The following NFIC variants were observed in gnomAD, a reference collection of about 807,000 sequenced individuals.
NFIC encodes the protein nuclear factor I C.
NFIC carries 12 observed loss-of-function variants against 54.4 expected under a neutral mutation model. That is an observed-to-expected ratio of 0.22 (90% confidence interval 0.14 to 0.36). The LOEUF (loss-of-function observed/expected upper bound fraction) is 0.36, where lower values mean the gene tolerates loss of function less well. Ranked by LOEUF, NFIC falls within the 10% of genes least tolerant of loss-of-function variation. The pLI is 1.00. For synonymous variants in NFIC, 322 were observed against 319.2 expected, an observed-to-expected ratio of 1.01 and a Z score of -0.09; for missense variants, 575 against 718.2, an observed-to-expected ratio of 0.80 and a Z score of 2.28.
rs2080950306 is a variant in NFIC at position 3,369,045 on chromosome 19, C to T, written c.30+2379C>T. On this transcript the variant is annotated intron_variant, in intron 1 of 10. Coordinates refer to ENST00000443272, the MANE Select transcript of NFIC (RefSeq NM_001245002.2). The surrounding 1 kb of genome is among the most constrained non-coding windows in gnomAD (Gnocchi z 4.3). Reference sequence around the variant, plus strand: ...TGTGTCTCTCTTTCTCATCCTCTGTCTCTCTGATGTCTCAGTCTCTCCCAC... The same window carrying T: ...TGTGTCTCTCTTTCTCATCCTCTGTTTCTCTGATGTCTCAGTCTCTCCCAC... 6.6e-6 allele frequency among the ~76,000 whole-genome samples: 1 copy of T among 151,984 alleles called. No homozygotes were observed. The highest frequency in any genetic ancestry group is 6.6e-5 in the Admixed American group (1 of 15,250).
At position 3,463,091 on chromosome 19, in the gene NFIC, G is replaced by C; in HGVS notation, c.*322G>C. ...GCCCCGCCACCCCCACGGGAGACCCGGGACAGGGCGTCTTCCTAAGTTATT... is the reference window on the plus strand; with the variant it reads ...GCCCCGCCACCCCCACGGGAGACCCCGGACAGGGCGTCTTCCTAAGTTATT... On this transcript the variant is annotated 3_prime_UTR_variant, in exon 11 of 11. Coordinates refer to ENST00000443272, the MANE Select transcript of NFIC (RefSeq NM_001245002.2). 7.9e-7 allele frequency: 1 copy of C among 1,273,290 alleles called. No homozygotes were observed. Among genetic ancestry groups the C allele is most frequent in the Non-Finnish European group, 9.9e-7 (1 of 1,008,530 alleles). The allele number at this position is 1,273,290 out of a possible 1,614,324, so 78.9% of individuals were successfully genotyped here. A position where few individuals can be genotyped will look rare whatever the true frequency, so the allele number is the denominator to read the frequency against.
intron 10 of NFIC, among the ~76,000 whole-genome samples, chr19:3,457,164 G>A (rs1434665199): frequency 6.6e-6 from 1 of 152,204 alleles, no homozygotes; most frequent in Admixed American, 6.5e-5. Context: ...CTAAGCCAGT[G>A]TGAGGAGTCA....
Position 3,453,980 on chromosome 19 carries a change from C to T in NFIC, c.1423+64C>T. 2 of 1,432,612 alleles carry T rather than the reference C, an allele frequency of 1.4e-6. No individual in the cohort carries two copies. The highest frequency in any genetic ancestry group is 1.5e-5 in the South Asian group (1 of 67,274). The allele number at this position is 1,432,612 out of a possible 1,614,324, so 88.7% of individuals were successfully genotyped here. On this transcript the variant is annotated intron_variant, in intron 9 of 10. Coordinates refer to ENST00000443272, the MANE Select transcript of NFIC (RefSeq NM_001245002.2). This position sits in a 1 kb window ranked among gnomAD's most constrained non-coding sequence, Gnocchi z 6.7. The stretch of plus-strand genomic sequence containing the variant: ...TCCGCAGGGGGGCCTGTCCCCTCCC[C>T]AGCCCCACTGCCAGGTCAGAGGTCA...
At chr19:3,367,068 G>A (rs2080903888) in intron 1 of NFIC, among the ~76,000 whole-genome samples, 1 of 152,030 alleles carries the variant, frequency 6.6e-6, no homozygotes, top group African/African-American at 2.4e-5. Flanking sequence ...CCCCCCGCCT[G>A]CCTCTGAGAG....
chr19:3,375,349 T>C lies in NFIC; in HGVS notation c.31-6363T>C, dbSNP rs1406885232. On this transcript the variant is annotated intron_variant, in intron 1 of 10. Transcript: ENST00000443272. This position sits in a 1 kb window ranked among gnomAD's most constrained non-coding sequence, Gnocchi z 4.6. The stretch of plus-strand genomic sequence containing the variant: ...GTCCTGCGCCTCTATGGGTCCTCTC[T>C]GCCGCGTCCCACTGTGCCCCCCACC... Among the ~76,000 whole-genome samples, 1 of 152,168 alleles carries C rather than the reference T, an allele frequency of 6.6e-6. No homozygotes were observed. The highest frequency in any genetic ancestry group is 1.5e-5 in the Non-Finnish European group (1 of 68,016).
chr19:3,392,446 G>T (rs1365158428), intron 2 of NFIC, among the ~76,000 whole-genome samples: 2 of 152,224 alleles, frequency 1.3e-5, no homozygotes, highest in Non-Finnish European at 2.9e-5. Flanking sequence ...GCTCTTTGAG[G>T]AGTAGGTCCT....
rs1239968213 is a variant in NFIC, at chr19:3,371,879, CTCTCCTTCCT to C, written c.30+5216_30+5225del. On this transcript the variant is annotated intron_variant, in intron 1 of 10. Coordinates refer to ENST00000443272, the MANE Select transcript of NFIC (RefSeq NM_001245002.2). ...TTTCTTTTCTTTCTTTTTTCTTTCT[CTCTCCTTCCT>C]TCCTTCCTTCCTTCCTTCCTTCCTT... Among the ~76,000 whole-genome samples, 790 of 147,638 alleles carry C rather than the reference CTCTCCTTCCT, an allele frequency of 5.4e-3. 4 individuals carry two copies. Among genetic ancestry groups the C allele is most frequent in the African/African-American group, 0.019 (738 of 39,692 alleles).
chr19:3,399,733 G>A (rs998793842), intron 2 of NFIC, among the ~76,000 whole-genome samples: 2 of 152,048 alleles, frequency 1.3e-5, no homozygotes, highest in Admixed American at 6.6e-5. Context: ...TTAGCTGGGC[G>A]TGTGGTGGGA....
upstream of NFIC, among the ~76,000 whole-genome samples, chr19:3,363,784 T>TG (rs929836104): frequency 2.6e-5 from 4 of 152,228 alleles, no homozygotes; most frequent in African/African-American, 9.6e-5. Context: ...TTGTCACGAC[T>TG]GGGGGGTGCC....
At position 3,394,527 on chromosome 19, in the gene NFIC, CCCA is replaced by C. The variant is rs1568418427; in HGVS notation, c.562+12287_562+12289del. ...TTTATGATCTTTTCCCCACCCACCC[CCCA>C]CCCGCTTACACTAAGTCTGAAATTT... On this transcript the variant is annotated intron_variant, in intron 2 of 10. Coordinates refer to ENST00000443272, the MANE Select transcript of NFIC (RefSeq NM_001245002.2). 6.6e-4 allele frequency among the ~76,000 whole-genome samples: 41 copies of C among 62,002 alleles called. 2 individuals carry two copies. Among genetic ancestry groups the C allele is most frequent in the East Asian group, 2.7e-3 (4 of 1,506 alleles). 40.7% of individuals were successfully genotyped at this position (62,002 alleles called of 152,430 possible).
At chr19:3,362,925 C>G (rs2080828401), upstream of NFIC, among the ~76,000 whole-genome samples, 1 of 151,986 alleles carries the variant, frequency 6.6e-6, no homozygotes, top group Non-Finnish European at 1.5e-5. Flanking sequence ...TCCTGTCTAC[C>G]CTGCCTGAGC....
intron 7 of NFIC, among the ~76,000 whole-genome samples, chr19:3,450,713 A>AG (rs1332693775): frequency 6.6e-6 from 1 of 152,296 alleles, no homozygotes; most frequent in East Asian, 1.9e-4. Flanking sequence ...ATTGGGATTA[A>AG]GGGGGGTGAA....
intron 6 of NFIC, among the ~76,000 whole-genome samples, chr19:3,441,578 C>T (rs2082294301): frequency 6.6e-6 from 1 of 152,264 alleles, no homozygotes; most frequent in Non-Finnish European, 1.5e-5. Context: ...CAGGCCTGGC[C>T]CCTGGGCTGG....
At chr19:3,437,184 A>T (rs2082216583) in intron 6 of NFIC, among the ~76,000 whole-genome samples, 1 of 151,920 alleles carries the variant, frequency 6.6e-6, no homozygotes, top group Non-Finnish European at 1.5e-5. Context: ...CGGCTAACAC[A>T]GTGAAACCCC....
At chr19:3,423,664 A>AGCGTCTGTCTGCCTGC (rs1353988534) in intron 2 of NFIC, among the ~76,000 whole-genome samples, 1 of 151,952 alleles carries the variant, frequency 6.6e-6, no homozygotes, top group Non-Finnish European at 1.5e-5. Context: ...CGCTGAGCTC[A>AGCGTCTGTCTGCCTGC]GCGTCTGTCT....
intron 1 of NFIC, among the ~76,000 whole-genome samples, chr19:3,360,967 T>C (rs1341731198): frequency 6.6e-6 from 1 of 152,154 alleles, no homozygotes; most frequent in Non-Finnish European, 1.5e-5. Context: ...TGCCTTCCAC[T>C]CCCGGCCTCG....
chr19:3,379,062 T>C (rs1280200783), intron 1 of NFIC, among the ~76,000 whole-genome samples: 1 of 152,160 alleles, frequency 6.6e-6, no homozygotes, highest in Non-Finnish European at 1.5e-5. Context: ...TTTGTTTTTT[T>C]GTTTTTTGTT....
intron 1 of NFIC, among the ~76,000 whole-genome samples, chr19:3,372,107 G>A (rs531281702): frequency 9.8e-5 from 14 of 142,494 alleles, no homozygotes; most frequent in South Asian, 9.6e-4. Context: ...TGCAACCTCC[G>A]CCTCCTGGGT....
upstream of NFIC, among the ~76,000 whole-genome samples, chr19:3,363,245 A>G (rs59135024): frequency 0.28 from 14,376 of 51,750 alleles, 2,299 homozygotes; most frequent in African/African-American, 0.37. Flanking sequence ...GTGTGTGTAT[A>G]TATATATATA....
Sources: allele counts gnomAD v4.1 joint callset (sites outside exome capture counted in the v4.1 genomes callset), GRCh38; gene constraint gnomAD v4.1.1; non-coding constraint Gnocchi (gnomAD v3.1); transcripts MANE v1.5; gene names NCBI Gene and HGNC (gene_info 2026-07-23, HGNC 2026-07-21).